The following ACCSL variants were observed in gnomAD, a reference collection of about 807,000 sequenced individuals.
ACCSL encodes 1-aminocyclopropane-1-carboxylate synthase homolog (inactive) like, also known as probable inactive 1-aminocyclopropane-1-carboxylate synthase-like protein 2.
ACCSL carries 55 observed loss-of-function variants against 61.7 expected under a neutral mutation model. That is an observed-to-expected ratio of 0.89 (90% CI 0.72 to 1.12). The LOEUF (loss-of-function observed/expected upper bound fraction) is 1.12. ACCSL is among the 50% of genes most tolerant of loss of function. The pLI, the probability that ACCSL is intolerant of heterozygous loss-of-function variation, is 0.00. For synonymous variants in ACCSL, 258 were observed against 264.3 expected (o/e 0.98, Z 0.23); for missense variants, 632 against 698.0 (o/e 0.91, Z 1.07).
At position 44,058,302 on chromosome 11, in the gene ACCSL, C is replaced by T. The variant is rs1198351562; in HGVS notation, c.1328-15C>T. ...TAGTAATATCTGTGACAGTGTTTTT[C>T]CTCTACCCATCCAGAATGGATTGAC... On this transcript the variant is annotated splice_polypyrimidine_tract_variant and intron_variant, in intron 11 of 13. Transcript: ENST00000378832. 1.9e-6 allele frequency: 3 copies of T among 1,613,732 alleles called. No homozygotes were observed. Among genetic ancestry groups the T allele is most frequent in the Non-Finnish European group, 2.5e-6 (3 of 1,179,832 alleles).
chr11:43,971,725 A>T, the ACCSL span, among the ~76,000 whole-genome samples: 1 of 152,166 alleles, frequency 6.6e-6, no homozygotes, highest in Non-Finnish European at 1.5e-5. Context: ...CTGTCCCCCG[A>T]ATTGTCCTCC....
At chr11:44,011,353 G>C in the ACCSL span, among the ~76,000 whole-genome samples, 3 of 152,338 alleles carry the variant, frequency 2.0e-5, no homozygotes, top group East Asian at 1.9e-4. Context: ...GCTTGTTTAA[G>C]TAATGGTTGC....
chr11:44,000,525 CAA>C, the ACCSL span, among the ~76,000 whole-genome samples: 2 of 108,790 alleles, frequency 1.8e-5, no homozygotes, highest in Non-Finnish European at 1.8e-5. Flanking sequence ...GACTCTGTCT[CAA>C]AAAAAAAAAA....
At chr11:44,037,612 G>T in the ACCSL span, among the ~76,000 whole-genome samples, 1 of 152,198 alleles carries the variant, frequency 6.6e-6, no homozygotes, top group African/African-American at 2.4e-5. Flanking sequence ...GCAGCAGAGA[G>T]GCTCCCAGGC....
the ACCSL span, among the ~76,000 whole-genome samples, chr11:43,996,064 C>G: frequency 6.6e-6 from 1 of 152,130 alleles, no homozygotes; most frequent in Non-Finnish European, 1.5e-5. Context: ...ACAGGAAGAA[C>G]GCTGTTTACA....
At chr11:43,948,076 A>G in the ACCSL span, among the ~76,000 whole-genome samples, 1 of 152,190 alleles carries the variant, frequency 6.6e-6, no homozygotes, top group Non-Finnish European at 1.5e-5. Context: ...GCTCTGGCCA[A>G]CAGCCAGCTA....
At chr11:44,003,348 T>A in the ACCSL span, among the ~76,000 whole-genome samples, 1 of 152,140 alleles carries the variant, frequency 6.6e-6, no homozygotes, top group African/African-American at 2.4e-5. Context: ...ATGTACAGTT[T>A]AGTGGCATTA....
chr11:44,053,586 G>A lies in ACCSL; in HGVS notation c.1049+80G>A, dbSNP rs1345523368. 2.2e-6 allele frequency: 3 copies of A among 1,335,220 alleles called. No homozygotes were observed. The East Asian group carries it at 7.0e-5, about 31-fold the overall frequency. The allele number at this position is 1,335,220 out of a possible 1,614,324, so 82.7% of individuals were successfully genotyped here. On this transcript the variant is annotated intron_variant, in intron 8 of 13. Coordinates refer to ENST00000378832, the MANE Select transcript of ACCSL (RefSeq NM_001031854.2). ...CTTATAGTCAAGTAATCAAGAGCCA[G>A]ATCTGGTGGCACATGCCTGTAATCC...
chr11:44,014,507 G>GAA, the ACCSL span, among the ~76,000 whole-genome samples: 7 of 151,766 alleles, frequency 4.6e-5, no homozygotes, highest in Admixed American at 3.9e-4. Context: ...GAGAGAGAGA[G>GAA]AGAGAGAGAG....
the ACCSL span, among the ~76,000 whole-genome samples, chr11:43,939,513 C>T: frequency 1.3e-4 from 20 of 152,122 alleles, no homozygotes; most frequent in African/African-American, 4.1e-4. Flanking sequence ...GACTCCACAA[C>T]GGCCCCCCCT....
upstream of ACCSL, among the ~76,000 whole-genome samples, chr11:44,047,595 G>A (rs1456303412): frequency 6.6e-6 from 1 of 152,204 alleles, no homozygotes; most frequent in Non-Finnish European, 1.5e-5. Flanking sequence ...TTGGCCCTCA[G>A]GCATTAGTTT....
At chr11:43,923,789 A>G in the ACCSL span, among the ~76,000 whole-genome samples, 3 of 152,256 alleles carry the variant, frequency 2.0e-5, no homozygotes, top group Non-Finnish European at 4.4e-5. Context: ...GTGTCAGAGC[A>G]CAGTGGAGGA....
At chr11:44,037,834 A>G in the ACCSL span, among the ~76,000 whole-genome samples, 9 of 152,178 alleles carry the variant, frequency 5.9e-5, no homozygotes, top group Middle Eastern at 3.4e-3. Context: ...GGGGGCCCAG[A>G]CCTTAGAAAA....
At chr11:44,016,924 C>T in the ACCSL span, among the ~76,000 whole-genome samples, 1 of 152,158 alleles carries the variant, frequency 6.6e-6, no homozygotes, top group Non-Finnish European at 1.5e-5. Flanking sequence ...ATAGAGACCC[C>T]TCCAGCACTG....
the ACCSL span, among the ~76,000 whole-genome samples, chr11:43,956,617 C>T: frequency 6.6e-6 from 1 of 152,142 alleles, no homozygotes; most frequent in East Asian, 1.9e-4. Context: ...GACAGGGCTT[C>T]ACTGTGTTAG....
At chr11:44,048,622 T>C in intron 1 of ACCSL, 82 bp downstream of exon 1, 3 of 1,253,714 alleles carry the variant, frequency 2.4e-6, no homozygotes, top group Non-Finnish European at 2.2e-6. Context: ...CCAAGTGCTA[T>C]ATATGCTCTC....
At chr11:43,971,969 G>C in the ACCSL span, among the ~76,000 whole-genome samples, 1 of 152,078 alleles carries the variant, frequency 6.6e-6, no homozygotes, top group East Asian at 1.9e-4. Flanking sequence ...CAATTTTATA[G>C]TTATTTATTA....
chr11:44,014,633 G>C, the ACCSL span, among the ~76,000 whole-genome samples: 1 of 152,312 alleles, frequency 6.6e-6, no homozygotes, highest in South Asian at 2.1e-4. Flanking sequence ...GGAGGGGCCT[G>C]CACAAGGGTA....
At chr11:43,964,599 T>A in the ACCSL span, among the ~76,000 whole-genome samples, 1 of 152,190 alleles carries the variant, frequency 6.6e-6, no homozygotes, top group Admixed American at 6.5e-5. Context: ...ACTTTCCGAC[T>A]CATTCTATGA....
Sources: gnomAD v4.1 joint callset for allele counts (sites outside exome capture counted in the v4.1 genomes callset) on GRCh38, gnomAD v4.1.1 for gene constraint, MANE v1.5 for transcripts, NCBI Gene and HGNC (gene_info 2026-07-23, HGNC 2026-07-21) for gene names.